Variants in IQCM observed in about 807,000 individuals in gnomAD.
IQCM encodes the protein IQ motif containing M.
A neutral mutation model predicts 57.6 loss-of-function variants in IQCM; 45 were observed. That is an observed-to-expected ratio of 0.78 (90% CI 0.62 to 1.00). IQCM has a LOEUF of 1.00. Ranked by LOEUF, IQCM falls within the 50% of genes least tolerant of loss-of-function variation. The pLI is 0.00. For synonymous variants in IQCM, 148 were observed against 158.9 expected, an observed-to-expected ratio of 0.93 and a Z score of 0.51; for missense variants, 468 against 511.6, an observed-to-expected ratio of 0.91 and a Z score of 0.82.
At chr4:149,458,385 T>C (rs1014359550) in intron 12 of IQCM, among the ~76,000 whole-genome samples, 11 of 152,068 alleles carry the variant, frequency 7.2e-5, no homozygotes, top group African/African-American at 2.4e-4. Flanking sequence ...AGATTTATTT[T>C]TTAAAAAGTA....
At chr4:149,798,434 A>C (rs2150043874) in intron 2 of IQCM, among the ~76,000 whole-genome samples, 1 of 152,154 alleles carries the variant, frequency 6.6e-6, no homozygotes, top group South Asian at 2.1e-4. Flanking sequence ...GCAAGAAGGA[A>C]GTAAAGACAG....
At chr4:149,477,027 C>T (rs141113210) in intron 12 of IQCM, among the ~76,000 whole-genome samples, 98 of 152,226 alleles carry the variant, frequency 6.4e-4, no homozygotes, top group Non-Finnish European at 7.5e-4. Flanking sequence ...GAAGCTTATA[C>T]GCCATCAGCA....
At chr4:149,733,066 C>G (rs1283794007) in intron 5 of IQCM, among the ~76,000 whole-genome samples, 178 bp downstream of exon 5, 2 of 152,184 alleles carry the variant, frequency 1.3e-5, no homozygotes, top group Non-Finnish European at 2.9e-5. Context: ...GGGTTCATCT[C>G]AATTTCTGGT....
intron 7 of IQCM, among the ~76,000 whole-genome samples, chr4:149,668,079 C>T (rs758558932): frequency 6.6e-6 from 1 of 151,998 alleles, no homozygotes; most frequent in Non-Finnish European, 1.5e-5. Context: ...ACAGAGAACA[C>T]CACAAAGATA....
At chr4:149,650,183 T>C (rs1759029113) in intron 7 of IQCM, among the ~76,000 whole-genome samples, 1 of 68,396 alleles carries the variant, frequency 1.5e-5, no homozygotes, top group South Asian at 6.4e-4. Context: ...GAGGTCATAT[T>C]GGTGCCAATA....
At chr4:149,498,641 A>ACT (rs1742921072) in intron 12 of IQCM, among the ~76,000 whole-genome samples, 1 of 152,150 alleles carries the variant, frequency 6.6e-6, no homozygotes, top group Non-Finnish European at 1.5e-5. Context: ...TGCCCTGAAG[A>ACT]ACACATACAG....
intron 2 of IQCM, among the ~76,000 whole-genome samples, chr4:149,756,287 AAGAT>A (rs1306183510): frequency 6.6e-6 from 1 of 152,222 alleles, no homozygotes; most frequent in African/African-American, 2.4e-5. Flanking sequence ...ACATAGAAAA[AAGAT>A]AGGCTATCTA....
intron 7 of IQCM, among the ~76,000 whole-genome samples, chr4:149,633,999 C>CT (rs756035472): frequency 1.9e-4 from 29 of 151,818 alleles, no homozygotes; most frequent in Non-Finnish European, 4.0e-4. Flanking sequence ...TTTTCTTTTT[C>CT]TTTTTTTTCT....
intron 12 of IQCM, among the ~76,000 whole-genome samples, chr4:149,469,284 C>G (rs759974722): frequency 7.2e-5 from 11 of 152,146 alleles, no homozygotes; most frequent in Non-Finnish European, 1.2e-4. Context: ...CTTAAATAAC[C>G]TGATGGAGCT....
intron 12 of IQCM, among the ~76,000 whole-genome samples, chr4:149,440,627 G>A (rs1224704208): frequency 6.6e-6 from 1 of 151,992 alleles, no homozygotes; most frequent in Non-Finnish European, 1.5e-5. Flanking sequence ...TTGTGCTTAA[G>A]CCTCTTTCTA....
chr4:149,407,503 A>G (rs1040190896), intron 13 of IQCM, among the ~76,000 whole-genome samples: 30 of 152,140 alleles, frequency 2.0e-4, no homozygotes, highest in Middle Eastern at 6.8e-3. Context: ...TCCAGTGCCT[A>G]TTATTCCACT....
chr4:149,440,350 T>A (rs933962073), intron 12 of IQCM, among the ~76,000 whole-genome samples: 8 of 152,046 alleles, frequency 5.3e-5, no homozygotes, highest in South Asian at 2.1e-4. Context: ...TCATTTTGGT[T>A]ATTTTTCTAT....
chr4:149,372,127 C>T (rs1730409456), intron 13 of IQCM, among the ~76,000 whole-genome samples: 1 of 152,104 alleles, frequency 6.6e-6, no homozygotes. Flanking sequence ...TACTAAATGC[C>T]AAAGCTTGAG....
At chr4:149,390,185 A>C (rs1731746736) in intron 13 of IQCM, among the ~76,000 whole-genome samples, 1 of 151,998 alleles carries the variant, frequency 6.6e-6, no homozygotes, top group Non-Finnish European at 1.5e-5. Flanking sequence ...TATTGTTAGA[A>C]TTATTCTTTT....
At chr4:149,448,175 C>T (rs985845736) in intron 12 of IQCM, among the ~76,000 whole-genome samples, 5 of 151,470 alleles carry the variant, frequency 3.3e-5, no homozygotes, top group Non-Finnish European at 7.4e-5. Flanking sequence ...ATTCAATATG[C>T]TCTATGACTA....
At chr4:149,609,750 C>G (rs1297630809) in intron 8 of IQCM, among the ~76,000 whole-genome samples, 1 of 151,806 alleles carries the variant, frequency 6.6e-6, no homozygotes. Flanking sequence ...ATAACAAAAG[C>G]CATAGAAGAC....
At chr4:149,751,266 C>A (rs1299016460) in intron 2 of IQCM, among the ~76,000 whole-genome samples, 1 of 152,122 alleles carries the variant, frequency 6.6e-6, no homozygotes, top group African/African-American at 2.4e-5. Flanking sequence ...CAGAATTTTA[C>A]CCTCCGTGAA....
At chr4:149,547,662 C>T (rs544313646) in intron 12 of IQCM, among the ~76,000 whole-genome samples, 1 of 152,306 alleles carries the variant, frequency 6.6e-6, no homozygotes, top group South Asian at 2.1e-4. Context: ...CACACACTCA[C>T]ACTTACATAC....
intron 8 of IQCM, among the ~76,000 whole-genome samples, chr4:149,609,091 T>C (rs1257379637): frequency 1.3e-5 from 2 of 151,552 alleles, no homozygotes; most frequent in Non-Finnish European, 3.0e-5. Flanking sequence ...ATTCAAAGGA[T>C]CATTAGAGAT....
Sources: allele counts gnomAD v4.1 joint callset (sites outside exome capture counted in the v4.1 genomes callset), GRCh38; gene constraint gnomAD v4.1.1; transcripts MANE v1.5; gene names NCBI Gene and HGNC (gene_info 2026-07-23, HGNC 2026-07-21).